VAV2: variants seen among roughly 807,000 people sequenced by gnomAD.
VAV2 encodes guanine nucleotide exchange factor VAV2.
A neutral mutation model predicts 132.5 loss-of-function variants in VAV2; 67 were observed. The ratio of observed to expected loss-of-function variants is 0.51; its 90% confidence interval spans 0.42 to 0.62. The LOEUF is 0.62. VAV2 is among the 20% of genes least tolerant of loss of function. The pLI, the probability that VAV2 is intolerant of heterozygous loss-of-function variation, is 0.00. For synonymous variants in VAV2, 492 were observed against 443.5 expected, an observed-to-expected ratio of 1.11 and a Z score of -1.37; for missense variants, 938 against 1,153.6, an observed-to-expected ratio of 0.81 and a Z score of 2.71.
In VAV2 at chr9:133,771,027, GT is replaced by G. The variant is rs1055948137; in HGVS notation, c.2224-527del. Among the ~76,000 whole-genome samples the G allele has an allele frequency of 1.0e-4, 14 of 138,214 alleles. No individual in the cohort carries two copies. The East Asian group carries it at 1.1e-3, about 11-fold the overall frequency. 90.7% of individuals were successfully genotyped at this position (138,214 alleles called of 152,430 possible). ...GATGCCAACGCTGGTTTCCGCTTTT[GT>G]TTTTTTGGAGGTGGGGATGGGATTA... On this transcript the variant is annotated intron_variant, in intron 26 of 29. Transcript: ENST00000371850.
At chr9:133,781,159 G>A (rs1360191686) in intron 19 of VAV2, among the ~76,000 whole-genome samples, 1 of 152,196 alleles carries the variant, frequency 6.6e-6, no homozygotes, top group Non-Finnish European at 1.5e-5. Flanking sequence ...AGTGATGCCT[G>A]CTGGGGCAAG....
chr9:133,869,763 G>A (rs1056711414), intron 2 of VAV2, among the ~76,000 whole-genome samples: 4 of 152,210 alleles, frequency 2.6e-5, no homozygotes, highest in Non-Finnish European at 5.9e-5. Flanking sequence ...CAATCAGTAA[G>A]CAGGAACTGC....
intron 2 of VAV2, among the ~76,000 whole-genome samples, chr9:133,871,482 ATG>A: frequency 1.6e-5 from 2 of 127,646 alleles, no homozygotes; most frequent in African/African-American, 8.6e-5. Context: ...GGATGGATGG[ATG>A]GATGGATGGA....
intron 4 of VAV2, among the ~76,000 whole-genome samples, chr9:133,827,021 C>T (rs557536546): frequency 7.7e-4 from 117 of 152,296 alleles, no homozygotes; most frequent in African/African-American, 2.4e-3. Flanking sequence ...CAGACTGCAG[C>T]GGACCACGCC....
At chr9:133,975,952 C>T (rs1387640350) in intron 1 of VAV2, among the ~76,000 whole-genome samples, 1 of 151,916 alleles carries the variant, frequency 6.6e-6, no homozygotes, top group Non-Finnish European at 1.5e-5. Context: ...AATCCCAGCA[C>T]TTTGGGAGGC....
chr9:133,792,263 C>G lies in VAV2; in HGVS notation c.1102-394G>C, dbSNP rs1031992526. On this transcript the variant is annotated intron_variant, in intron 12 of 29. Coordinates refer to ENST00000371850, the MANE Select transcript of VAV2 (RefSeq NM_001134398.2). ...TGACTGTGTGTATAAGCGGGCTGTA[C>G]TGGGTGGGGTGTGTGGTATGTGAGC... 6.8e-5 allele frequency among the ~76,000 whole-genome samples: 8 copies of G among 117,914 alleles called. 1 individual carries two copies. Among genetic ancestry groups the G allele is most frequent in the African/African-American group, 2.7e-4 (8 of 29,370 alleles). 77.4% of individuals were successfully genotyped at this position (117,914 alleles called of 152,430 possible).
Position 133,991,440 on chromosome 9 carries a change from G to A in VAV2, c.204+635C>T, listed in dbSNP as rs1013267969. ...TGGGAAAGCGATGGGGGCCAGGACT[G>A]GGGCCAAGTGGCCCTGGGGATCCTC... On this transcript the variant is annotated intron_variant, in intron 1 of 29. Coordinates refer to ENST00000371850, the MANE Select transcript of VAV2 (RefSeq NM_001134398.2). The surrounding 1 kb of genome is among the most constrained non-coding windows in gnomAD (Gnocchi z 4.8). 6.6e-6 allele frequency among the ~76,000 whole-genome samples: 1 copy of A among 150,722 alleles called. No individual in the cohort carries two copies. Among genetic ancestry groups the A allele is most frequent in the African/African-American group, 2.5e-5 (1 of 40,806 alleles).
At chr9:133,900,020 C>CAA (rs754344670) in intron 2 of VAV2, among the ~76,000 whole-genome samples, 1 of 120,226 alleles carries the variant, frequency 8.3e-6, no homozygotes, top group Admixed American at 8.8e-5. Context: ...GACTCCATCT[C>CAA]AAAAAAAATA....
chr9:133,947,712 AC>A (rs1235539445), intron 1 of VAV2, among the ~76,000 whole-genome samples: 1 of 145,836 alleles, frequency 6.9e-6, no homozygotes, highest in Non-Finnish European at 1.5e-5. Context: ...AAAAAAAAAA[AC>A]AAACTGGTCT....
At chr9:133,988,367 A>G (rs1253914703) in intron 1 of VAV2, among the ~76,000 whole-genome samples, 1 of 152,170 alleles carries the variant, frequency 6.6e-6, no homozygotes, top group African/African-American at 2.4e-5. Flanking sequence ...TCATTTATTT[A>G]AACAGTCCTG....
At chr9:133,843,002 A>C (rs1386987639) in intron 3 of VAV2, among the ~76,000 whole-genome samples, 1 of 152,214 alleles carries the variant, frequency 6.6e-6, no homozygotes, top group Admixed American at 6.5e-5. Context: ...GGCTTCGCTT[A>C]TTAGAAACGG....
rs1421061147 is a variant in VAV2 at position 133,939,148 on chromosome 9, C to T, written c.276G>A (p.Glu92=). Residue 92 remains glutamate, a synonymous_variant, in exon 2 of 30, where the codon GAG becomes GAA. Transcript: ENST00000371850. ...CHDKFGLRNS[E]LFDPFDLFDV... ...CGAAGAGGTCAAAGGGGTCAAACAG[C>T]TCGCTGTTCCTTAATCCAAATTTAT... 3 of 1,614,246 alleles carry T rather than the reference C, an allele frequency of 1.9e-6. No homozygotes were observed. The highest frequency in any genetic ancestry group is 2.5e-6 in the Non-Finnish European group (3 of 1,180,048).
chr9:133,900,763 C>CTGATTTA lies in VAV2; in HGVS notation c.321+38339_321+38340insTAAATCA, dbSNP rs202112614. On this transcript the variant is annotated intron_variant, in intron 2 of 29. Transcript: ENST00000371850. Reference sequence around the variant, plus strand: ...TCCAATTAATCAATCTACCTCCTGTCTTGATTTATTTATTTATTTATTTAT... The same window carrying CTGATTTA: ...TCCAATTAATCAATCTACCTCCTGTCTGATTTATTGATTTATTTATTTATTTATTTAT... 9.4e-3 allele frequency among the ~76,000 whole-genome samples: 1,282 copies of CTGATTTA among 136,700 alleles called. 13 individuals are homozygous for CTGATTTA. Among genetic ancestry groups the CTGATTTA allele is most frequent in the South Asian group, 0.012 (49 of 4,144 alleles). The allele number at this position is 136,700 out of a possible 152,430, so 89.7% of individuals were successfully genotyped here.
At chr9:133,811,015 G>A (rs974294983) in intron 5 of VAV2, among the ~76,000 whole-genome samples, 1 of 152,180 alleles carries the variant, frequency 6.6e-6, no homozygotes, top group Admixed American at 6.5e-5. Flanking sequence ...CCGGGGAGGC[G>A]AGGGGAGCCC....
At chr9:133,862,196 T>C (rs1332922999) in intron 2 of VAV2, among the ~76,000 whole-genome samples, 1 of 152,262 alleles carries the variant, frequency 6.6e-6, no homozygotes, top group Non-Finnish European at 1.5e-5. Flanking sequence ...AGGACCCACC[T>C]GTCTCCTGGC....
intron 1 of VAV2, among the ~76,000 whole-genome samples, chr9:133,965,995 C>T (rs1451633541): frequency 6.6e-6 from 1 of 152,138 alleles, no homozygotes; most frequent in African/African-American, 2.4e-5. Context: ...TTACAGTCAA[C>T]TCATTTTCAA....
chr9:133,975,506 T>G (rs945663516), intron 1 of VAV2, among the ~76,000 whole-genome samples: 1 of 152,158 alleles, frequency 6.6e-6, no homozygotes, highest in East Asian at 1.9e-4. Flanking sequence ...AAACACGACA[T>G]GTATTGCGGA....
At chr9:133,948,805 G>A (rs891570383) in intron 1 of VAV2, among the ~76,000 whole-genome samples, 6 of 152,208 alleles carry the variant, frequency 3.9e-5, no homozygotes, top group African/African-American at 9.7e-5. Flanking sequence ...GCTTCATCCT[G>A]CTAACGAGCT....
chr9:133,770,140 G>A (rs1032176497), intron 27 of VAV2, among the ~76,000 whole-genome samples: 4 of 152,208 alleles, frequency 2.6e-5, no homozygotes, highest in Non-Finnish European at 4.4e-5. Flanking sequence ...TGGTCTCTGG[G>A]TGAAGAAGCC....
Sources: gnomAD v4.1 joint callset for allele counts (sites outside exome capture counted in the v4.1 genomes callset) on GRCh38, gnomAD v4.1.1 for gene constraint, Gnocchi (gnomAD v3.1) non-coding constraint, MANE v1.5 for transcripts, NCBI Gene and HGNC (gene_info 2026-07-23, HGNC 2026-07-21) for gene names.